UNC13C: variants seen among roughly 807,000 people sequenced by gnomAD.
The protein encoded by UNC13C is unc-13 homolog C, also known as protein unc-13 homolog C.
UNC13C carries 174 observed loss-of-function variants against 245.4 expected under a neutral mutation model. The ratio of observed to expected loss-of-function variants is 0.71; its 90% CI spans 0.63 to 0.80. The LOEUF is 0.80. UNC13C is among the 30% of genes least tolerant of loss of function. The probability of loss-of-function intolerance (pLI) is 0.00; values close to 1 mark genes in which losing one functional copy is unlikely to be tolerated. For synonymous variants in UNC13C, 992 were observed against 895.1 expected (o/e 1.11, Z -1.93); for missense variants, 2,829 against 2,602.9 (o/e 1.09, Z -1.89).
intron 2 of UNC13C, among the ~76,000 whole-genome samples, chr15:54,122,302 A>T (rs1056018967): frequency 6.6e-6 from 1 of 151,980 alleles, no homozygotes; most frequent in East Asian, 1.9e-4. Context: ...AGATTTTCTT[A>T]GTTTCTTAAA....
In UNC13C at chr15:54,623,844, C is replaced by T; in HGVS notation, c.6249C>T (p.Pro2083=). 1 of 1,613,086 alleles carries T rather than the reference C, an allele frequency of 6.2e-7. No homozygotes were observed. The highest frequency in any genetic ancestry group is 8.5e-7 in the Non-Finnish European group (1 of 1,179,432). Residue 2083 remains proline (P), a synonymous_variant, in exon 32 of 33, where the codon CCC becomes CCT. Coordinates refer to ENST00000260323, the MANE Select transcript of UNC13C (RefSeq NM_001080534.3). ...GGCAGACCACAGCAATGTTCCGCCC[C>T]TTTGTGGAAGTTTGTATACTGGGAC... ...LNWQTTAMFR[P]FVEVCILGPN...
At chr15:54,230,673 T>A (rs1382864782) in intron 4 of UNC13C, among the ~76,000 whole-genome samples, 3 of 152,062 alleles carry the variant, frequency 2.0e-5, no homozygotes, top group Non-Finnish European at 4.4e-5. Flanking sequence ...CTCATTTTAA[T>A]ATCATTATGG....
chr15:54,012,240 G>A (rs1263161588), intron 1 of UNC13C, among the ~76,000 whole-genome samples: 1 of 152,034 alleles, frequency 6.6e-6, no homozygotes, highest in Non-Finnish European at 1.5e-5. Context: ...TGAATATCTT[G>A]GATGTGAGGG....
At chr15:53,951,150 A>T in the UNC13C span, among the ~76,000 whole-genome samples, 7 of 152,220 alleles carry the variant, frequency 4.6e-5, no homozygotes, top group Non-Finnish European at 8.8e-5. Context: ...ATATGTCTGC[A>T]ACAAGTGTGA....
chr15:54,176,129 A>G (rs1412460626), intron 4 of UNC13C, among the ~76,000 whole-genome samples: 1 of 152,106 alleles, frequency 6.6e-6, no homozygotes, highest in Non-Finnish European at 1.5e-5. Flanking sequence ...AAACATCCTG[A>G]AAAGAATCTG....
At chr15:54,146,776 G>A (rs1474177942) in intron 4 of UNC13C, among the ~76,000 whole-genome samples, 2 of 152,156 alleles carry the variant, frequency 1.3e-5, no homozygotes, top group South Asian at 2.1e-4. Context: ...AAGTACAAGA[G>A]GTTTAGTGGA....
At chr15:54,443,245 T>C (rs557872784) in intron 19 of UNC13C, among the ~76,000 whole-genome samples, 2 of 152,248 alleles carry the variant, frequency 1.3e-5, no homozygotes, top group East Asian at 1.9e-4. Flanking sequence ...ATTTCTGTAG[T>C]ATCAGTTATA....
At chr15:53,893,192 C>T in the UNC13C span, among the ~76,000 whole-genome samples, 1 of 152,216 alleles carries the variant, frequency 6.6e-6, no homozygotes, top group African/African-American at 2.4e-5. Flanking sequence ...GTCTGCAGAA[C>T]AGCAAAGATT....
chr15:54,483,091 A>C (rs1893216118), intron 19 of UNC13C, among the ~76,000 whole-genome samples: 1 of 152,046 alleles, frequency 6.6e-6, no homozygotes, highest in Non-Finnish European at 1.5e-5. Context: ...TAGAGCTGCA[A>C]CTCCGTCATA....
At chr15:53,861,740 C>T in the UNC13C span, among the ~76,000 whole-genome samples, 1 of 152,134 alleles carries the variant, frequency 6.6e-6, no homozygotes, top group Admixed American at 6.6e-5. Flanking sequence ...GTTAGCTTGG[C>T]CTTCATTACC....
At position 54,235,109 on chromosome 15, in the gene UNC13C, G is replaced by GT. The variant is rs778962561; in HGVS notation, c.3150+2dup. On this transcript the variant is annotated splice_donor_variant, in intron 5 of 32. Coordinates refer to ENST00000260323, the MANE Select transcript of UNC13C (RefSeq NM_001080534.3). LOFTEE classifies it high-confidence loss of function. The stretch of plus-strand genomic sequence containing the variant: ...AACTTTGCCTATTGTCCGAGATGTG[G>GT]TAAGTTACAACTGTTTAATTCTCTT... 1 of 1,613,616 alleles carries GT rather than the reference G, an allele frequency of 6.2e-7. No homozygotes were observed. Among genetic ancestry groups the GT allele is most frequent in the Non-Finnish European group, 8.5e-7 (1 of 1,179,600 alleles).
intron 17 of UNC13C, among the ~76,000 whole-genome samples, chr15:54,344,580 T>A (rs1163572506): frequency 6.6e-6 from 1 of 152,176 alleles, no homozygotes; most frequent in Non-Finnish European, 1.5e-5. Context: ...AAAGGAAGCA[T>A]CCATTGGAGC....
chr15:53,929,261 T>A, the UNC13C span, among the ~76,000 whole-genome samples: 1 of 152,132 alleles, frequency 6.6e-6, no homozygotes, highest in African/African-American at 2.4e-5. Context: ...CCCACCCCCA[T>A]GATTCAATTA....
chr15:54,098,492 C>G (rs978780495), intron 2 of UNC13C, among the ~76,000 whole-genome samples: 1 of 152,082 alleles, frequency 6.6e-6, no homozygotes, highest in Non-Finnish European at 1.5e-5. Flanking sequence ...AGCTTCTTCT[C>G]CTTCCTCCCA....
intron 19 of UNC13C, among the ~76,000 whole-genome samples, chr15:54,457,424 A>G (rs191639693): frequency 2.0e-5 from 3 of 151,962 alleles, no homozygotes; most frequent in East Asian, 3.9e-4. Context: ...TTCTTTCTCT[A>G]TCTTTTGGAA....
chr15:54,238,327 C>G (rs992369757), intron 7 of UNC13C, among the ~76,000 whole-genome samples: 6 of 152,100 alleles, frequency 3.9e-5, no homozygotes, highest in Admixed American at 1.3e-4. Flanking sequence ...CCTGCCTTGG[C>G]CTCCCAAAGT....
intron 2 of UNC13C, among the ~76,000 whole-genome samples, chr15:54,101,658 G>A (rs561475379): frequency 3.2e-4 from 49 of 151,740 alleles, no homozygotes; most frequent in African/African-American, 9.7e-4. Flanking sequence ...TCTGCTCACC[G>A]CAACCTCTGT....
chr15:54,454,405 C>T (rs950946311), intron 19 of UNC13C, among the ~76,000 whole-genome samples: 9 of 151,836 alleles, frequency 5.9e-5, no homozygotes, highest in African/African-American at 1.7e-4. Flanking sequence ...GGTGAAACCC[C>T]GTCTCTACTA....
intron 19 of UNC13C, among the ~76,000 whole-genome samples, chr15:54,440,725 A>C (rs1890476446): frequency 6.6e-6 from 1 of 152,034 alleles, no homozygotes; most frequent in Admixed American, 6.6e-5. Context: ...ATTTTGGGGA[A>C]ATCTCTATAC....
Sources: gnomAD v4.1 joint callset for allele counts (sites outside exome capture counted in the v4.1 genomes callset) on GRCh38, gnomAD v4.1.1 for gene constraint, MANE v1.5 for transcripts, NCBI Gene and HGNC (gene_info 2026-07-23, HGNC 2026-07-21) for gene names.